IMPACT: variants seen among roughly 807,000 people sequenced by gnomAD.
The protein encoded by IMPACT is protein IMPACT.
A neutral mutation model predicts 47.5 loss-of-function variants in IMPACT; 35 were observed. That is an observed-to-expected ratio of 0.74 (90% CI 0.56 to 0.98). The LOEUF (loss-of-function observed/expected upper bound fraction) is 0.98, where lower values mean the gene tolerates loss of function less well. IMPACT is among the 50% of genes least tolerant of loss of function. IMPACT has a pLI of 0.00. For missense variants in IMPACT, 373 were observed against 394.8 expected, an observed-to-expected ratio of 0.94 and a Z score of 0.47; for synonymous variants, 118 against 125.6, an observed-to-expected ratio of 0.94 and a Z score of 0.40.
At chr18:24,432,948 C>G (rs1421798218) in intron 4 of IMPACT, among the ~76,000 whole-genome samples, 1 of 152,106 alleles carries the variant, frequency 6.6e-6, no homozygotes, top group Non-Finnish European at 1.5e-5. Context: ...TATCCCCTAT[C>G]CCAAAAGTCC....
intron 8 of IMPACT, among the ~76,000 whole-genome samples, chr18:24,446,517 A>C (rs1019141254): frequency 1.3e-5 from 2 of 152,216 alleles, no homozygotes; most frequent in Non-Finnish European, 2.9e-5. Context: ...AATTTGTAAG[A>C]CTTTAAAAGT....
In IMPACT at chr18:24,426,908, T is replaced by G. The variant is rs1024474521; in HGVS notation, c.36+116T>G. 1.6e-5 allele frequency: 11 copies of G among 681,028 alleles called. No homozygotes were observed. The African/African-American group carries it at 2.0e-4, about 13-fold the overall frequency. The allele number at this position is 681,028 out of a possible 1,614,324, so 42.2% of individuals were successfully genotyped here. ...GGGCCGCCCCGGGTTCCGCCAGCAC[T>G]GGCCACGCCATTTGCTCCACCGCGT... On this transcript the variant is annotated intron_variant, in intron 1 of 10. Transcript: ENST00000284202.
At chr18:24,448,045 T>A (rs750024501) in intron 8 of IMPACT, 48 bp from the exon 9 acceptor site, 8 of 1,069,506 alleles carry the variant, frequency 7.5e-6, no homozygotes, top group Non-Finnish European at 2.8e-6. Context: ...ATAAGTTTTA[T>A]TATAATATTT....
In IMPACT at chr18:24,452,690, T is replaced by C. The variant is rs1400140365; in HGVS notation, c.*1843T>C. The stretch of plus-strand genomic sequence containing the variant: ...AAACTTGAACTAATGATAGATAGTA[T>C]TTTTTTCCTCTATTTAAAATTTTTG... On this transcript the variant is annotated 3_prime_UTR_variant, in exon 11 of 11. Coordinates refer to ENST00000284202, the MANE Select transcript of IMPACT (RefSeq NM_018439.4). The C allele has an allele frequency of 1.3e-5, 2 of 152,174 alleles. No homozygotes were observed. The highest frequency in any genetic ancestry group is 2.9e-5 in the Non-Finnish European group (2 of 68,026). 9.4% of individuals were successfully genotyped at this position (152,174 alleles called of 1,614,324 possible). A position where few individuals can be genotyped will look rare whatever the true frequency, so the allele number is the denominator to read the frequency against.
At chr18:24,437,374 ACAT>A (rs979963874) in intron 4 of IMPACT, among the ~76,000 whole-genome samples, 8 of 152,202 alleles carry the variant, frequency 5.3e-5, no homozygotes, top group Non-Finnish European at 1.0e-4. Flanking sequence ...AGGCAACCAA[ACAT>A]CATTTGGAAC....
chr18:24,434,170 C>A (rs187506845), intron 4 of IMPACT, among the ~76,000 whole-genome samples: 2 of 151,758 alleles, frequency 1.3e-5, no homozygotes, highest in East Asian at 3.9e-4. Flanking sequence ...TGAGACCTTC[C>A]CCATCTCTAT....
chr18:24,433,859 C>T (rs906272885), intron 4 of IMPACT, among the ~76,000 whole-genome samples: 4 of 151,354 alleles, frequency 2.6e-5, no homozygotes, highest in Non-Finnish European at 4.4e-5. Context: ...TTAGTAGAGA[C>T]GGGGTTTCAG....
intron 8 of IMPACT, among the ~76,000 whole-genome samples, chr18:24,447,074 T>TA (rs201750544): frequency 6.6e-6 from 1 of 152,044 alleles, no homozygotes; most frequent in South Asian, 2.1e-4. Context: ...CTAAGCTATG[T>TA]AAAAAAAGAA....
intron 4 of IMPACT, 129 bp downstream of exon 4, chr18:24,430,513 C>G: frequency 1.6e-6 from 1 of 608,340 alleles, no homozygotes; most frequent in Non-Finnish European, 2.8e-6. Flanking sequence ...ACAAAAAGGA[C>G]TCACTTGAAG....
chr18:24,448,178 A>C lies in IMPACT; in HGVS notation c.754A>C (p.Met252Leu), dbSNP rs1437749063. 3.7e-6 allele frequency: 6 copies of C among 1,609,966 alleles called. No homozygotes were observed. Among genetic ancestry groups the C allele is most frequent in the Non-Finnish European group, 5.1e-6 (6 of 1,176,352 alleles). Residue 252 changes from methionine (M) to leucine (L), a missense_variant, in exon 9 of 11, where the codon ATG (methionine) becomes CTG (leucine). Met to Leu is a conservative substitution (Grantham distance 15, BLOSUM62 2). Transcript: ENST00000284202. ...TAAGGRLLHL[M>L]EILNVKNVMV... ...AGCTGGTGGGCGTCTTCTTCATCTC[A>C]TGGAGGTAGGTGTAAGTTAAACTAT...
chr18:24,439,851 C>T (rs1306219379), intron 5 of IMPACT, among the ~76,000 whole-genome samples: 1 of 152,056 alleles, frequency 6.6e-6, no homozygotes, highest in East Asian at 1.9e-4. Flanking sequence ...GTGGCCTAGA[C>T]AAGTTGACAT....
chr18:24,426,750 G>A lies in IMPACT; in HGVS notation c.-7G>A. The A allele has an allele frequency of 3.2e-6, 4 of 1,244,682 alleles. No homozygotes were observed. Among genetic ancestry groups the A allele is most frequent in the Non-Finnish European group, 4.0e-6 (4 of 992,688 alleles). The allele number at this position is 1,244,682 out of a possible 1,614,324, so 77.1% of individuals were successfully genotyped here. A position where few individuals can be genotyped will look rare whatever the true frequency, so the allele number is the denominator to read the frequency against. On this transcript the variant is annotated 5_prime_UTR_variant, in exon 1 of 11. Transcript: ENST00000284202. Reference sequence around the variant, plus strand: ...GGCGGCGGCTGCAGGGCAGGTCCAGGGGCCACATGGCTGAGGGGGACGCAG... The same window carrying A: ...GGCGGCGGCTGCAGGGCAGGTCCAGAGGCCACATGGCTGAGGGGGACGCAG...
chr18:24,445,148 G>A (rs1909216479), intron 7 of IMPACT, among the ~76,000 whole-genome samples: 1 of 152,172 alleles, frequency 6.6e-6, no homozygotes, highest in Non-Finnish European at 1.5e-5. Context: ...TGACATAGTA[G>A]TACCGAAATA....
chr18:24,436,338 C>G (rs548533096), intron 4 of IMPACT, among the ~76,000 whole-genome samples: 13 of 151,058 alleles, frequency 8.6e-5, no homozygotes, highest in African/African-American at 3.2e-4. Context: ...TCCAAACTTC[C>G]AGGTTCAAGT....
At chr18:24,442,150 C>CTTTTT in intron 6 of IMPACT, among the ~76,000 whole-genome samples, 1 of 116,474 alleles carries the variant, frequency 8.6e-6, no homozygotes, top group Non-Finnish European at 1.8e-5. Flanking sequence ...ATTAGTGATT[C>CTTTTT]TTTTTTTTTT....
intron 4 of IMPACT, among the ~76,000 whole-genome samples, chr18:24,432,974 A>G (rs1352576521): frequency 1.3e-5 from 2 of 152,088 alleles, no homozygotes; most frequent in Non-Finnish European, 2.9e-5. Context: ...TTACTAAAAG[A>G]TACCTTCCCA....
intron 8 of IMPACT, among the ~76,000 whole-genome samples, chr18:24,447,520 C>T (rs1909276782): frequency 6.6e-6 from 1 of 151,978 alleles, no homozygotes. Flanking sequence ...ATATTAGTAA[C>T]CATCCAGAGG....
Position 24,426,682 on chromosome 18 carries a change from G to A in IMPACT, c.-75G>A. 6.2e-6 allele frequency: 7 copies of A among 1,128,884 alleles called. No individual in the cohort carries two copies. Among genetic ancestry groups the A allele is most frequent in the Non-Finnish European group, 7.8e-6 (7 of 893,522 alleles). 69.9% of individuals were successfully genotyped at this position (1,128,884 alleles called of 1,614,324 possible). A position where few individuals can be genotyped will look rare whatever the true frequency, so the allele number is the denominator to read the frequency against. Reference sequence around the variant, plus strand: ...CGGGCCGCGCCGCAGCCAGCTCTCGGCTCGCAGCCGCAGCGCCCCGCCCCC... The same window carrying A: ...CGGGCCGCGCCGCAGCCAGCTCTCGACTCGCAGCCGCAGCGCCCCGCCCCC... On this transcript the variant is annotated 5_prime_UTR_variant, in exon 1 of 11. Coordinates refer to ENST00000284202, the MANE Select transcript of IMPACT (RefSeq NM_018439.4).
chr18:24,444,140 G>C (rs1170788134), intron 7 of IMPACT, among the ~76,000 whole-genome samples: 1 of 152,120 alleles, frequency 6.6e-6, no homozygotes, highest in Non-Finnish European at 1.5e-5. Context: ...TTTTCTCTCA[G>C]GAATCCTATT....
Sources: allele counts gnomAD v4.1 joint callset (sites outside exome capture counted in the v4.1 genomes callset), GRCh38; gene constraint gnomAD v4.1.1; transcripts MANE v1.5; gene names NCBI Gene and HGNC (gene_info 2026-07-23, HGNC 2026-07-21).